Variants in TSHZ3 observed in about 807,000 individuals in gnomAD.
TSHZ3 encodes the protein teashirt homolog 3.
Under a neutral mutation model 64.5 loss-of-function variants are expected in TSHZ3, and 10 were observed. That is an observed-to-expected ratio of 0.16 (90% CI 0.10 to 0.26). The LOEUF is 0.26. Ranked by LOEUF, TSHZ3 falls within the 10% of genes least tolerant of loss-of-function variation. The pLI, the probability that TSHZ3 is intolerant of heterozygous loss-of-function variation, is 1.00. For missense variants in TSHZ3, 1,242 were observed against 1,421.7 expected (o/e 0.87, Z 2.03); for synonymous variants, 608 against 593.1 (o/e 1.03, Z -0.36).
intron 4 of TSHZ3, among the ~76,000 whole-genome samples, chr19:31,219,341 C>G (rs1210788141): frequency 6.6e-6 from 1 of 152,102 alleles, no homozygotes; most frequent in Non-Finnish European, 1.5e-5. Context: ...ACCCCTAAAT[C>G]CAAAGGGCTC....
chr19:31,161,682 G>A (rs886442014), intron 5 of TSHZ3, among the ~76,000 whole-genome samples: 1 of 152,210 alleles, frequency 6.6e-6, no homozygotes, highest in African/African-American at 2.4e-5. Context: ...GCCCTGATGT[G>A]CAGGATCCAA....
At chr19:31,189,204 T>C (rs1412317578) in intron 5 of TSHZ3, among the ~76,000 whole-genome samples, 2 of 151,982 alleles carry the variant, frequency 1.3e-5, no homozygotes, top group Non-Finnish European at 2.9e-5. Flanking sequence ...TTTCTTAATC[T>C]TTTAAAGCAA....
At chr19:31,273,682 G>A (rs1976177433), downstream of TSHZ3, among the ~76,000 whole-genome samples, 1 of 152,248 alleles carries the variant, frequency 6.6e-6, no homozygotes, top group Non-Finnish European at 1.5e-5. Context: ...ACGGGAGGGA[G>A]GATGTCTCTG....
chr19:31,286,802 C>A (rs903192920), intron 1 of TSHZ3, among the ~76,000 whole-genome samples: 47 of 152,316 alleles, frequency 3.1e-4, no homozygotes, highest in African/African-American at 1.1e-3. Flanking sequence ...AGCATCCCCA[C>A]CCTCAGCTCA....
At chr19:31,196,852 A>G (rs1158096660) in intron 5 of TSHZ3, among the ~76,000 whole-genome samples, 1 of 151,996 alleles carries the variant, frequency 6.6e-6, no homozygotes, top group African/African-American at 2.4e-5. Flanking sequence ...AATGAATCCA[A>G]TATTATACTT....
intron 5 of TSHZ3, among the ~76,000 whole-genome samples, chr19:31,172,626 T>C (rs180675239): frequency 3.9e-5 from 6 of 152,204 alleles, no homozygotes; most frequent in Admixed American, 2.6e-4. Flanking sequence ...AAACAATAAA[T>C]AAAAAGCATC....
rs979402180 is a variant in TSHZ3 at position 31,164,262 on chromosome 19, C to T, written n.810-7845G>A. 2.0e-5 allele frequency among the ~76,000 whole-genome samples: 3 copies of T among 152,186 alleles called. No individual in the cohort carries two copies. In the South Asian group the frequency reaches 6.2e-4, roughly 32 times the overall value. ...CTATTGCCCATGGAAGCTGAATGCC[C>T]CGCTGTTCCTGCACTGCGAATTCTG... On this transcript the variant is annotated intron_variant and non_coding_transcript_variant, in intron 5 of 6. Transcript: ENST00000651361.
chr19:31,173,961 G>A (rs186236987), intron 5 of TSHZ3, among the ~76,000 whole-genome samples: 15 of 152,278 alleles, frequency 9.9e-5, no homozygotes, highest in African/African-American at 3.1e-4. Context: ...CCAGCTACTC[G>A]GGAGGCTGAG....
intron 1 of TSHZ3, among the ~76,000 whole-genome samples, chr19:31,303,247 T>C (rs187223866): frequency 5.1e-4 from 78 of 152,248 alleles, no homozygotes; most frequent in Admixed American, 3.6e-3. Flanking sequence ...GGGAAGAGAC[T>C]GAAGATGGTG....
intron 1 of TSHZ3, among the ~76,000 whole-genome samples, chr19:31,329,013 A>ATGTC (rs1917002502): frequency 6.6e-6 from 1 of 152,184 alleles, no homozygotes; most frequent in South Asian, 2.1e-4. Context: ...GAGCTCCTGG[A>ATGTC]TGTCTACCTT....
intron 5 of TSHZ3, among the ~76,000 whole-genome samples, chr19:31,167,088 C>G (rs1434592228): frequency 6.6e-6 from 1 of 152,158 alleles, no homozygotes; most frequent in African/African-American, 2.4e-5. Flanking sequence ...TGCTACAGGG[C>G]TTCACGCAGT....
intron 1 of TSHZ3, among the ~76,000 whole-genome samples, chr19:31,337,243 G>A (rs1220730144): frequency 6.6e-6 from 1 of 152,042 alleles, no homozygotes; most frequent in Non-Finnish European, 1.5e-5. Flanking sequence ...CAAGATGGAT[G>A]GCTGCAATAA....
chr19:31,314,393 C>T (rs546047081), intron 1 of TSHZ3, among the ~76,000 whole-genome samples: 8 of 152,302 alleles, frequency 5.3e-5, no homozygotes, highest in Admixed American at 4.6e-4. Context: ...GGAACCGTGT[C>T]TCACCTGCAC....
chr19:31,154,226 A>G (rs1037349183), intron 6 of TSHZ3, among the ~76,000 whole-genome samples: 23 of 152,216 alleles, frequency 1.5e-4, no homozygotes, highest in African/African-American at 5.5e-4. Flanking sequence ...CCACAGCCAC[A>G]GGAATGACAG....
At chr19:31,271,092 A>G (rs116929489), downstream of TSHZ3, among the ~76,000 whole-genome samples, 1 of 152,118 alleles carries the variant, frequency 6.6e-6, no homozygotes, top group South Asian at 2.1e-4. Context: ...CTGAGTCATC[A>G]TTAGACTGCC....
chr19:31,214,879 G>A (rs1975306316), intron 4 of TSHZ3, among the ~76,000 whole-genome samples: 1 of 139,332 alleles, frequency 7.2e-6, no homozygotes. Flanking sequence ...CTGCACTCCA[G>A]TCTGGGCGAC....
intron 5 of TSHZ3, among the ~76,000 whole-genome samples, chr19:31,173,147 A>G (rs912303411): frequency 2.0e-5 from 3 of 152,206 alleles, no homozygotes; most frequent in Non-Finnish European, 4.4e-5. Flanking sequence ...GATGGGGCAC[A>G]CATAGCCTGG....
chr19:31,153,627 G>A (rs945089482), intron 6 of TSHZ3, among the ~76,000 whole-genome samples: 1 of 152,074 alleles, frequency 6.6e-6, no homozygotes, highest in Non-Finnish European at 1.5e-5. Context: ...TAAACTTTTT[G>A]TTGTTGTTAA....
chr19:31,198,190 A>T (rs1975020208), intron 5 of TSHZ3, among the ~76,000 whole-genome samples: 1 of 152,176 alleles, frequency 6.6e-6, no homozygotes, highest in South Asian at 2.1e-4. Context: ...AAGCTAAAGA[A>T]TAAAACTCAC....
Sources: gnomAD v4.1 joint callset for allele counts (sites outside exome capture counted in the v4.1 genomes callset) on GRCh38, gnomAD v4.1.1 for gene constraint, MANE v1.5 for transcripts, NCBI Gene and HGNC (gene_info 2026-07-23, HGNC 2026-07-21) for gene names.